Variants in ADD1 observed in about 807,000 individuals in gnomAD.
The protein encoded by ADD1 is alpha-adducin.
A neutral mutation model predicts 80.5 loss-of-function variants in ADD1; 24 were observed. The ratio of observed to expected loss-of-function variants is 0.30; its 90% confidence interval spans 0.22 to 0.42. ADD1 has a LOEUF of 0.42. ADD1 is among the 10% of genes least tolerant of loss of function. The pLI, the probability that ADD1 is intolerant of heterozygous loss-of-function variation, is 1.00. For missense variants in ADD1, 948 were observed against 1,019.0 expected, an observed-to-expected ratio of 0.93 and a Z score of 0.95; for synonymous variants, 373 against 393.8, an observed-to-expected ratio of 0.95 and a Z score of 0.63.
chr4:2,853,603 T>C (rs1029998837), intron 1 of ADD1: 1 of 152,144 alleles, frequency 6.6e-6, no homozygotes, highest in Admixed American at 6.5e-5. Flanking sequence ...TCTGTTATTA[T>C]GTTGTTTTTT....
At chr4:2,863,676 G>T (rs1011491310) in intron 1 of ADD1, among the ~76,000 whole-genome samples, 1 of 152,044 alleles carries the variant, frequency 6.6e-6, no homozygotes, top group Admixed American at 6.5e-5. Flanking sequence ...CAGCATTTTT[G>T]ATTTTACTGT....
chr4:2,907,892 AG>A, intron 11 of ADD1, 48 bp downstream of exon 11: 1 of 1,476,094 alleles, frequency 6.8e-7, no homozygotes, highest in Non-Finnish European at 9.5e-7. Flanking sequence ...TGGGATTGGA[AG>A]GGATGCCAGC....
At chr4:2,924,432 G>A (rs559345265) in intron 14 of ADD1, among the ~76,000 whole-genome samples, 1 of 152,290 alleles carries the variant, frequency 6.6e-6, no homozygotes, top group Admixed American at 6.5e-5. Flanking sequence ...ACCCCTGCCA[G>A]GAGGCTCCCG....
In ADD1 at chr4:2,871,122, C is replaced by T. The variant is rs1730373410; in HGVS notation, c.-20-4774C>T. Among the ~76,000 whole-genome samples, 3 of 152,032 alleles carry T rather than the reference C, an allele frequency of 2.0e-5. No individual in the cohort carries two copies. In the South Asian group the frequency reaches 6.2e-4, roughly 32 times the overall value. ...TAGCTGGGACTACAGGTGCGCGCCA[C>T]CACACCCGGCTAATTTTTTTTTGTA... On this transcript the variant is annotated intron_variant, in intron 1 of 15. Coordinates refer to ENST00000683351, the MANE Select transcript of ADD1 (RefSeq NM_001354761.2).
chr4:2,924,805 A>G (rs1740694638), intron 14 of ADD1, among the ~76,000 whole-genome samples: 1 of 152,228 alleles, frequency 6.6e-6, no homozygotes, highest in African/African-American at 2.4e-5. Context: ...TACCTGCCTT[A>G]GAGCGAGAAC....
intron 4 of ADD1, among the ~76,000 whole-genome samples, chr4:2,889,556 T>C (rs1327575838): frequency 6.6e-6 from 1 of 151,240 alleles, no homozygotes; most frequent in East Asian, 2.0e-4. Context: ...GCGTGGTGGC[T>C]TATGCCTGTA....
At position 2,929,912 on chromosome 4, in the gene ADD1, A is replaced by ATGAC. The variant is rs1560276745; in HGVS notation, c.*1391_*1394dup. 6.6e-6 allele frequency: 1 copy of ATGAC among 152,642 alleles called. No homozygotes were observed. Among genetic ancestry groups the ATGAC allele is most frequent in the Non-Finnish European group, 1.5e-5 (1 of 68,058 alleles). 9.5% of individuals were successfully genotyped at this position (152,642 alleles called of 1,614,324 possible). A position where few individuals can be genotyped will look rare whatever the true frequency, so the allele number is the denominator to read the frequency against. ...TCCCCTCCTTTACCCCACATATGCA[A>ATGAC]TGACTTTTAATTTTCACTTTTGTAG... On this transcript the variant is annotated 3_prime_UTR_variant, in exon 16 of 16. Coordinates refer to ENST00000683351, the MANE Select transcript of ADD1 (RefSeq NM_001354761.2).
In ADD1 at chr4:2,897,541, C is replaced by CTTTTT. The variant is rs34592055; in HGVS notation, c.742-623_742-619dup. On this transcript the variant is annotated intron_variant, in intron 6 of 15. Transcript: ENST00000683351. ...TTTAGAGCACTTGGAAAACCTCCTCCTTTTTTTTTTTTTTTTTTTTTTTTA... is the reference window on the plus strand; with the variant it reads ...TTTAGAGCACTTGGAAAACCTCCTCCTTTTTTTTTTTTTTTTTTTTTTTTTTTTTA... Among the ~76,000 whole-genome samples the CTTTTT allele has an allele frequency of 4.5e-3, 443 of 99,138 alleles. 9 individuals are homozygous for CTTTTT. Among genetic ancestry groups the CTTTTT allele is most frequent in the African/African-American group, 0.017 (415 of 25,036 alleles). 65.0% of individuals were successfully genotyped at this position (99,138 alleles called of 152,430 possible).
chr4:2,863,708 T>C (rs1339543404), intron 1 of ADD1, among the ~76,000 whole-genome samples: 1 of 144,562 alleles, frequency 6.9e-6, no homozygotes, highest in African/African-American at 2.4e-5. Flanking sequence ...TTGCCATTAC[T>C]ACACCTTGTT....
At chr4:2,849,260 G>GT (rs1379389064) in intron 1 of ADD1, among the ~76,000 whole-genome samples, 1 of 152,062 alleles carries the variant, frequency 6.6e-6, no homozygotes, top group Non-Finnish European at 1.5e-5. Flanking sequence ...TATAATTATT[G>GT]TTTTTTTCTG....
intron 14 of ADD1, 67 bp from the exon 15 acceptor site, chr4:2,925,947 G>A: frequency 7.0e-7 from 1 of 1,423,108 alleles, no homozygotes. Flanking sequence ...CATCTGCCAT[G>A]GAGGCAGGTA....
chr4:2,928,761 CCCCACAGG>C lies in ADD1; in HGVS notation c.*239_*246del. On this transcript the variant is annotated 3_prime_UTR_variant, in exon 16 of 16. Coordinates refer to ENST00000683351, the MANE Select transcript of ADD1 (RefSeq NM_001354761.2). Reference sequence around the variant, plus strand: ...TCAGCTTCTGGGGGAGACATGCTCTCCCCACAGGGGGGAGGCACTAAGTCATGGTCCTG... The same window carrying C: ...TCAGCTTCTGGGGGAGACATGCTCTCGGGGAGGCACTAAGTCATGGTCCTG... The C allele has an allele frequency of 1.9e-6, 1 of 514,238 alleles. No individual in the cohort carries two copies. Among genetic ancestry groups the C allele is most frequent in the Non-Finnish European group, 3.4e-6 (1 of 296,552 alleles). The allele number at this position is 514,238 out of a possible 1,614,324, so 31.9% of individuals were successfully genotyped here.
chr4:2,907,626 C>G, intron 10 of ADD1, 117 bp from the exon 11 acceptor site: 1 of 878,854 alleles, frequency 1.1e-6, no homozygotes, highest in East Asian at 2.5e-5. Context: ...GTCATTGGTT[C>G]AGTCCTCTCT....
At chr4:2,847,883 G>A (rs937410192) in intron 1 of ADD1, among the ~76,000 whole-genome samples, 1 of 152,174 alleles carries the variant, frequency 6.6e-6, no homozygotes, top group African/African-American at 2.4e-5. Flanking sequence ...AACCAGATAT[G>A]CATCTATCTC....
intron 1 of ADD1, among the ~76,000 whole-genome samples, chr4:2,860,403 T>G (rs1728676071): frequency 6.6e-6 from 1 of 152,226 alleles, no homozygotes; most frequent in African/African-American, 2.4e-5. Context: ...GGCGAACTTG[T>G]GAGTGAAATT....
intron 6 of ADD1, among the ~76,000 whole-genome samples, chr4:2,894,985 G>A (rs1734955167): frequency 6.6e-6 from 1 of 152,120 alleles, no homozygotes; most frequent in African/African-American, 2.4e-5. Flanking sequence ...AATTGGCCGG[G>A]CATGGTGGCT....
At chr4:2,857,032 C>T (rs1300238601) in intron 1 of ADD1, among the ~76,000 whole-genome samples, 1 of 151,984 alleles carries the variant, frequency 6.6e-6, no homozygotes, top group Non-Finnish European at 1.5e-5. Context: ...TCTGCCTCAG[C>T]CTCCTGAGTA....
chr4:2,914,302 T>G (rs900810797), intron 13 of ADD1, among the ~76,000 whole-genome samples: 1 of 152,242 alleles, frequency 6.6e-6, no homozygotes, highest in Admixed American at 6.5e-5. Flanking sequence ...GGTACAAATT[T>G]TCAGAGTTTT....
At position 2,928,597 on chromosome 4, in the gene ADD1, G is replaced by C. The variant is rs1366669706; in HGVS notation, c.*74G>C. ...GCGTCCCCGGCCACGTCTGTGCTCT[G>C]TCCTTGTGTAATGGAATGCAAAAAA... On this transcript the variant is annotated 3_prime_UTR_variant, in exon 16 of 16. Transcript: ENST00000683351. The C allele has an allele frequency of 5.3e-6, 8 of 1,501,220 alleles. No individual in the cohort carries two copies. The highest frequency in any genetic ancestry group is 4.2e-5 in the African/African-American group (3 of 70,792). 93.0% of individuals were successfully genotyped at this position (1,501,220 alleles called of 1,614,324 possible).
Sources: gnomAD v4.1 joint callset for allele counts (sites outside exome capture counted in the v4.1 genomes callset) on GRCh38, gnomAD v4.1.1 for gene constraint, MANE v1.5 for transcripts, NCBI Gene and HGNC (gene_info 2026-07-23, HGNC 2026-07-21) for gene names.